Variants in MLPH observed in about 807,000 individuals in gnomAD.
MLPH encodes exophilin-3.
Under a neutral mutation model 72.1 loss-of-function variants are expected in MLPH, and 51 were observed. That is an observed-to-expected ratio of 0.71 (90% CI 0.56 to 0.89). MLPH has a LOEUF of 0.89. Among genes scored for constraint, MLPH ranks in the 40% least tolerant of loss-of-function variants. MLPH has a pLI of 0.00. For missense variants in MLPH, 743 were observed against 759.9 expected (o/e 0.98, Z 0.26); for synonymous variants, 301 against 310.1 (o/e 0.97, Z 0.31).
At chr2:237,498,017 C>T (rs1169896978) in intron 2 of MLPH, among the ~76,000 whole-genome samples, 2 of 152,132 alleles carry the variant, frequency 1.3e-5, no homozygotes, top group East Asian at 1.9e-4. Context: ...CCCGTGGGCG[C>T]GACCCAGCCC....
At chr2:237,495,010 A>G in intron 2 of MLPH, among the ~76,000 whole-genome samples, 1 of 152,022 alleles carries the variant, frequency 6.6e-6, no homozygotes, top group East Asian at 1.9e-4. Flanking sequence ...TGGAGGGAGG[A>G]CCCATCTCTC....
At chr2:237,529,583 A>T (rs1407429347) in intron 8 of MLPH, among the ~76,000 whole-genome samples, 2 of 152,170 alleles carry the variant, frequency 1.3e-5, no homozygotes, top group African/African-American at 4.8e-5. Flanking sequence ...GAACATCATG[A>T]CCACTAGGTT....
intron 2 of MLPH, among the ~76,000 whole-genome samples, chr2:237,503,300 T>C (rs1357065581): frequency 6.6e-6 from 1 of 152,150 alleles, no homozygotes; most frequent in Admixed American, 6.5e-5. Flanking sequence ...TGGTCTGAGA[T>C]GTTTTAGGAG....
chr2:237,511,107 G>A lies in MLPH; in HGVS notation c.445+6G>A, dbSNP rs763560331. 6.2e-7 allele frequency: 1 copy of A among 1,610,676 alleles called. No individual in the cohort carries two copies. Among genetic ancestry groups the A allele is most frequent in the Admixed American group, 1.7e-5 (1 of 60,016 alleles). On this transcript the variant is annotated splice_donor_region_variant and intron_variant, in intron 4 of 15. Transcript: ENST00000264605. Reference sequence around the variant, plus strand: ...CGGGCGGCTGCAGGGTGGAGGTAAGGAGTGGAGAGTAAGAACGGCTTTTTG... The same window carrying A: ...CGGGCGGCTGCAGGGTGGAGGTAAGAAGTGGAGAGTAAGAACGGCTTTTTG...
intron 10 of MLPH, 86 bp from the exon 11 acceptor site, chr2:237,540,716 A>T (rs1288458712): frequency 4.2e-5 from 66 of 1,558,678 alleles, no homozygotes; most frequent in Non-Finnish European, 5.6e-5. Flanking sequence ...TTCAGAGAGG[A>T]GAGCAATATC....
intron 2 of MLPH, among the ~76,000 whole-genome samples, chr2:237,497,341 T>C (rs897191782): frequency 2.0e-5 from 3 of 152,192 alleles, no homozygotes. Context: ...TTAAGAGGTT[T>C]TTGAGTTTCT....
At chr2:237,490,257 A>G (rs2079402541) in intron 1 of MLPH, among the ~76,000 whole-genome samples, 1 of 151,900 alleles carries the variant, frequency 6.6e-6, no homozygotes, top group Admixed American at 6.6e-5. Flanking sequence ...GAGCCCATGG[A>G]GGTCGAGGCA....
At chr2:237,524,870 C>T (rs759825655) in intron 6 of MLPH, among the ~76,000 whole-genome samples, 9 of 152,174 alleles carry the variant, frequency 5.9e-5, no homozygotes, top group Non-Finnish European at 1.3e-4. Context: ...GGGCGGGGCT[C>T]GGTCCACCCA....
intron 4 of MLPH, among the ~76,000 whole-genome samples, chr2:237,517,314 G>C (rs1046215711): frequency 2.0e-5 from 3 of 151,170 alleles, no homozygotes; most frequent in Non-Finnish European, 4.4e-5. Context: ...TGGATGAACG[G>C]ATGGATGGAT....
chr2:237,516,094 C>T (rs76505974), intron 4 of MLPH, among the ~76,000 whole-genome samples: 4,349 of 152,312 alleles, frequency 0.029, 100 homozygotes, highest in South Asian at 0.077. Flanking sequence ...ACCCGTGAGG[C>T]ACAGAGAGCA....
rs1239878152 is a variant in MLPH at position 237,510,424 on chromosome 2, C to T, written c.111-150C>T. 2.7e-5 allele frequency: 23 copies of T among 847,256 alleles called. No individual in the cohort carries two copies. Among genetic ancestry groups the T allele is most frequent in the African/African-American group, 6.7e-5 (4 of 59,590 alleles). 52.5% of individuals were successfully genotyped at this position (847,256 alleles called of 1,614,324 possible). A position where few individuals can be genotyped will look rare whatever the true frequency, so the allele number is the denominator to read the frequency against. ...AAGATGCCTGTGTGGCTTTGCCCAACGTTGGGTCACTGTTTTCTGCATAGG... is the reference window on the plus strand; with the variant it reads ...AAGATGCCTGTGTGGCTTTGCCCAATGTTGGGTCACTGTTTTCTGCATAGG... On this transcript the variant is annotated intron_variant, in intron 2 of 15. Coordinates refer to ENST00000264605, the MANE Select transcript of MLPH (RefSeq NM_024101.7). The surrounding 1 kb of genome is among the most constrained non-coding windows in gnomAD (Gnocchi z 4.4).
chr2:237,497,700 T>A (rs1488788544), intron 2 of MLPH, among the ~76,000 whole-genome samples: 4 of 112,600 alleles, frequency 3.6e-5, no homozygotes, highest in Non-Finnish European at 6.9e-5. Context: ...AAGATAACTC[T>A]TACAATAATG....
In MLPH at chr2:237,540,421, C is replaced by A. The variant is rs575753089; in HGVS notation, c.1178C>A (p.Thr393Asn). Reference protein sequence around the residue: ...EALRRKLEELTSNVSDQETSS... With the variant: ...EALRRKLEELNSNVSDQETSS... ...CTGAGGAGGAAGCTGGAGGAGCTGA[C>A]CAGCAACGTCAGTGACCAGGAGACC... The change falls in exon 10 of 16, where the codon ACC becomes AAC. Residue 393 changes from threonine to asparagine, a missense_variant. By Grantham distance (65) the Thr-to-Asn change is moderately conservative. Coordinates refer to ENST00000264605, the MANE Select transcript of MLPH (RefSeq NM_024101.7). The A allele has an allele frequency of 6.2e-7, 1 of 1,613,540 alleles. No homozygotes were observed. The highest frequency in any genetic ancestry group is 1.1e-5 in the South Asian group (1 of 91,040).
intron 4 of MLPH, among the ~76,000 whole-genome samples, chr2:237,516,640 T>C (rs11884519): frequency 0.23 from 34,829 of 152,194 alleles, 4,779 homozygotes; most frequent in African/African-American, 0.38. Context: ...TGATTGGTAA[T>C]GTTGATGCAG....
intron 14 of MLPH, among the ~76,000 whole-genome samples, chr2:237,551,600 G>A (rs902927536): frequency 6.6e-6 from 1 of 152,218 alleles, no homozygotes; most frequent in Admixed American, 6.5e-5. Flanking sequence ...GATGCCCCCA[G>A]CTACACAGCC....
rs190695864 is a variant in MLPH at position 237,528,772 on chromosome 2, C to G, written c.1020+1256C>G. ...AGTTACTTCCCAGTCTCCCTTGTCC[C>G]CGGCCTCTGACAACTACCAGTCTTC... On this transcript the variant is annotated intron_variant, in intron 8 of 15. Coordinates refer to ENST00000264605, the MANE Select transcript of MLPH (RefSeq NM_024101.7). Among the ~76,000 whole-genome samples, 153 of 152,298 alleles carry G rather than the reference C, an allele frequency of 1.0e-3. No homozygotes were observed. The Middle Eastern group carries it at 0.017, about 17-fold the overall frequency.
At position 237,511,666 on chromosome 2, in the gene MLPH, C is replaced by A. The variant is rs114337749; in HGVS notation, c.445+565C>A. 9.0e-3 allele frequency: 1,390 copies of A among 154,424 alleles called. 16 individuals are homozygous for A. The highest frequency in any genetic ancestry group is 0.032 in the African/African-American group (1,311 of 41,518). The allele number at this position is 154,424 out of a possible 1,614,324, so 9.6% of individuals were successfully genotyped here. A position where few individuals can be genotyped will look rare whatever the true frequency, so the allele number is the denominator to read the frequency against. On this transcript the variant is annotated intron_variant, in intron 4 of 15. Coordinates refer to ENST00000264605, the MANE Select transcript of MLPH (RefSeq NM_024101.7). ...ACATCTGGTTTGGGGCCTAGGCTCTCTCTTTTCAACAAACATTTCACATGA... is the reference window on the plus strand; with the variant it reads ...ACATCTGGTTTGGGGCCTAGGCTCTATCTTTTCAACAAACATTTCACATGA...
Position 237,546,586 on chromosome 2 carries a change from G to GTC in MLPH, c.1540-16_1540-15dup, listed in dbSNP as rs1464702001. 6.2e-7 allele frequency: 1 copy of GTC among 1,611,006 alleles called. No individual in the cohort carries two copies. The highest frequency in any genetic ancestry group is 1.3e-5 in the African/African-American group (1 of 74,826). ...GGCTGGAGGTTCAACAATAACATAAGTCTCTTCTTTGCCCTCCAGATATTT... is the reference window on the plus strand; with the variant it reads ...GGCTGGAGGTTCAACAATAACATAAGTCTCTCTTCTTTGCCCTCCAGATATTT... On this transcript the variant is annotated intron_variant, in intron 12 of 15. Transcript: ENST00000264605.
intron 8 of MLPH, among the ~76,000 whole-genome samples, chr2:237,533,305 A>G (rs1419599262): frequency 6.6e-6 from 1 of 152,014 alleles, no homozygotes; most frequent in Non-Finnish European, 1.5e-5. Context: ...AGCCATTTTA[A>G]AGATTTATAT....
Sources: allele counts gnomAD v4.1 joint callset (sites outside exome capture counted in the v4.1 genomes callset), GRCh38; gene constraint gnomAD v4.1.1; non-coding constraint Gnocchi (gnomAD v3.1); transcripts MANE v1.5; gene names NCBI Gene and HGNC (gene_info 2026-07-23, HGNC 2026-07-21).